Variants in FRMPD4 observed in about 807,000 individuals in gnomAD.
FRMPD4 encodes the protein FERM and PDZ domain containing 4.
Under a neutral mutation model 94.1 loss-of-function variants are expected in FRMPD4, and 22 were observed. The observed-to-expected ratio is 0.23, with a 90% confidence interval of 0.17 to 0.33. FRMPD4 has a LOEUF of 0.33. Ranked by LOEUF, FRMPD4 falls within the 10% of genes least tolerant of loss-of-function variation. The pLI, the probability that FRMPD4 is intolerant of heterozygous loss-of-function variation, is 1.00. For missense variants in FRMPD4, 1,111 were observed against 1,339.9 expected (o/e 0.83, Z 2.67); for synonymous variants, 631 against 548.6 (o/e 1.15, Z -2.10).
intron 1 of FRMPD4, among the ~76,000 whole-genome samples, chrX:11,840,576 C>A (rs912006566): frequency 9.1e-6 from 1 of 109,463 alleles, no homozygotes; most frequent in Non-Finnish European, 1.9e-5. Context: ...CTAGAACCTG[C>A]AGTACAATTT....
chrX:11,927,590 G>A (rs1472738001), intron 3 of FRMPD4, among the ~76,000 whole-genome samples: 2 of 111,316 alleles, frequency 1.8e-5, no homozygotes, highest in Non-Finnish European at 3.8e-5. Flanking sequence ...CCAGAAATAA[G>A]ACCACACACC....
chrX:12,592,629 T>G (rs1237837896), intron 2 of FRMPD4, among the ~76,000 whole-genome samples: 1 of 112,296 alleles, frequency 8.9e-6, no homozygotes, highest in African/African-American at 3.2e-5. Context: ...CCCCTTATCC[T>G]TTCTTTTTCC....
intron 11 of FRMPD4, among the ~76,000 whole-genome samples, chrX:12,706,007 A>G (rs2041868057): frequency 8.9e-6 from 1 of 112,009 alleles, no homozygotes; most frequent in Non-Finnish European, 1.9e-5. Flanking sequence ...GGTCATTGCC[A>G]CTTAATGGTG....
intron 1 of FRMPD4, among the ~76,000 whole-genome samples, chrX:12,308,374 G>A (rs2054977049): frequency 8.9e-6 from 1 of 111,758 alleles, no homozygotes; most frequent in South Asian, 3.9e-4. Context: ...AAAGAATTTT[G>A]ATGCTTGGTA....
chrX:11,883,007 T>C (rs1173178132), intron 3 of FRMPD4, among the ~76,000 whole-genome samples: 1 of 111,757 alleles, frequency 8.9e-6, no homozygotes, highest in Non-Finnish European at 1.9e-5. Context: ...ATTATTAAAT[T>C]CATTCAAACA....
At chrX:11,905,564 A>G (rs2053962645) in intron 3 of FRMPD4, among the ~76,000 whole-genome samples, 1 of 111,935 alleles carries the variant, frequency 8.9e-6, no homozygotes, top group South Asian at 3.8e-4. Flanking sequence ...TACTTTGTAG[A>G]AACAAGCATA....
intron 2 of FRMPD4, among the ~76,000 whole-genome samples, chrX:12,603,126 T>A (rs1775522392): frequency 2.7e-5 from 3 of 111,784 alleles, no homozygotes; most frequent in Non-Finnish European, 3.8e-5. Context: ...ACACCAACGA[T>A]GACCTCAAGC....
intron 3 of FRMPD4, among the ~76,000 whole-genome samples, chrX:11,901,987 A>T (rs1055138031): frequency 1.8e-5 from 2 of 111,548 alleles, no homozygotes; most frequent in African/African-American, 6.5e-5. Context: ...TTCCTTACAG[A>T]TTCTGGATAT....
intron 1 of FRMPD4, among the ~76,000 whole-genome samples, chrX:12,477,018 T>C (rs1479667308): frequency 4.5e-5 from 5 of 111,668 alleles, no homozygotes; most frequent in Non-Finnish European, 9.4e-5. Flanking sequence ...ATGTTTATTG[T>C]GGCACTATTC....
intron 1 of FRMPD4, among the ~76,000 whole-genome samples, chrX:12,355,629 C>T (rs1219128614): frequency 7.1e-5 from 8 of 111,950 alleles, no homozygotes; most frequent in Non-Finnish European, 1.5e-4. Flanking sequence ...TTTCTTCCTC[C>T]AGAATGAGAG....
At chrX:11,951,059 CAAAAAAAAAAAA>C (rs35673540) in intron 3 of FRMPD4, among the ~76,000 whole-genome samples, 2 of 32,345 alleles carry the variant, frequency 6.2e-5, no homozygotes, top group Middle Eastern at 0.021. Context: ...AACTCCATCT[CAAAAAAAAAAAA>C]AAAAAAAAAG....
chrX:12,193,921 T>C (rs965737438), intron 1 of FRMPD4, among the ~76,000 whole-genome samples: 1 of 108,007 alleles, frequency 9.3e-6, no homozygotes, highest in Admixed American at 9.9e-5. Context: ...ATTGAAAAAC[T>C]AGATGTACTA....
intron 3 of FRMPD4, among the ~76,000 whole-genome samples, chrX:12,053,418 GAAAGAAAGAA>G (rs1569149832): frequency 2.8e-4 from 25 of 89,738 alleles, no homozygotes; most frequent in Admixed American, 1.1e-3. Flanking sequence ...AAGAAAGAAA[GAAAGAAAGAA>G]AGAGAAAGAA....
At chrX:12,412,889 TCC>T (rs1442259150) in intron 1 of FRMPD4, among the ~76,000 whole-genome samples, 3 of 111,199 alleles carry the variant, frequency 2.7e-5, no homozygotes, top group Non-Finnish European at 5.7e-5. Flanking sequence ...TCAACAAGGG[TCC>T]TGGTAGCAGG....
At chrX:12,686,005 A>G (rs1602322065) in intron 6 of FRMPD4, 92 bp from the exon 7 acceptor site, 1 of 419,544 alleles carries the variant, frequency 2.4e-6, no homozygotes, top group Non-Finnish European at 4.2e-6. Context: ...TTTTAATGCC[A>G]TGCTTAGAAT....
intron 4 of FRMPD4, among the ~76,000 whole-genome samples, chrX:12,620,413 T>C (rs1467896265): frequency 8.9e-6 from 1 of 112,020 alleles, no homozygotes; most frequent in Non-Finnish European, 1.9e-5. Context: ...CCAGCCCCTC[T>C]CAACCACAGT....
At chrX:12,590,334 A>G (rs1414626956) in intron 2 of FRMPD4, among the ~76,000 whole-genome samples, 1 of 112,391 alleles carries the variant, frequency 8.9e-6, no homozygotes, top group Non-Finnish European at 1.9e-5. Context: ...AGATTTTAGG[A>G]TAGCTTTTTA....
intron 1 of FRMPD4, among the ~76,000 whole-genome samples, chrX:12,299,028 A>C (rs969271737): frequency 8.9e-6 from 1 of 112,032 alleles, no homozygotes; most frequent in African/African-American, 3.2e-5. Context: ...AGTGGAAATA[A>C]ACATCTAAGA....
At chrX:12,248,725 T>C (rs1244483555) in intron 1 of FRMPD4, among the ~76,000 whole-genome samples, 2 of 112,610 alleles carry the variant, frequency 1.8e-5, no homozygotes, top group African/African-American at 6.5e-5. Context: ...TAGCCTTTTT[T>C]TCCTAGTCAT....
Sources: allele counts gnomAD v4.1 joint callset (sites outside exome capture counted in the v4.1 genomes callset), GRCh38; gene constraint gnomAD v4.1.1; transcripts MANE v1.5; gene names NCBI Gene and HGNC (gene_info 2026-07-23, HGNC 2026-07-21).